NR6A1: variants seen among roughly 807,000 people sequenced by gnomAD.
The protein encoded by NR6A1 is nuclear receptor subfamily 6 group A member 1, also known as retinoic acid receptor-related testis-associated receptor.
NR6A1 carries 7 observed loss-of-function variants against 59.1 expected under a neutral mutation model. That is an observed-to-expected ratio of 0.12 (90% CI 0.07 to 0.22). The LOEUF (loss-of-function observed/expected upper bound fraction) is 0.22. Among genes scored for constraint, NR6A1 ranks in the 10% least tolerant of loss-of-function variants. The pLI, the probability that NR6A1 is intolerant of heterozygous loss-of-function variation, is 1.00. For missense variants in NR6A1, 468 were observed against 611.6 expected (o/e 0.77, Z 2.48); for synonymous variants, 243 against 236.1 (o/e 1.03, Z -0.27).
At chr9:124,656,019 A>G (rs1302800345) in intron 2 of NR6A1, among the ~76,000 whole-genome samples, 1 of 152,022 alleles carries the variant, frequency 6.6e-6, no homozygotes, top group Non-Finnish European at 1.5e-5. Flanking sequence ...GCCTGGTGGG[A>G]GGTGTCTGGG....
chr9:124,536,339 G>T (rs985261820), intron 6 of NR6A1, among the ~76,000 whole-genome samples: 1 of 152,116 alleles, frequency 6.6e-6, no homozygotes, highest in Non-Finnish European at 1.5e-5. Flanking sequence ...GGAGAGGCGG[G>T]TCTGGTGAGG....
chr9:124,712,367 GGGA>G (rs1244348399), intron 2 of NR6A1, among the ~76,000 whole-genome samples: 4 of 152,154 alleles, frequency 2.6e-5, no homozygotes, highest in Non-Finnish European at 5.9e-5. Flanking sequence ...CCAGCACTTT[GGGA>G]GGCCGAGGCA....
chr9:124,764,214 C>G (rs1374449373), intron 1 of NR6A1, among the ~76,000 whole-genome samples: 1 of 151,734 alleles, frequency 6.6e-6, no homozygotes, highest in African/African-American at 2.4e-5. Flanking sequence ...AAAAAACTAT[C>G]TGGTTAAGCT....
intron 1 of NR6A1, among the ~76,000 whole-genome samples, chr9:124,743,168 G>C (rs1840225011): frequency 6.6e-6 from 1 of 152,212 alleles, no homozygotes; most frequent in South Asian, 2.1e-4. Flanking sequence ...GCAGATACAG[G>C]AACACTTTTC....
At chr9:124,723,321 C>T (rs1839617001) in intron 2 of NR6A1, among the ~76,000 whole-genome samples, 1 of 152,114 alleles carries the variant, frequency 6.6e-6, no homozygotes, top group South Asian at 2.1e-4. Flanking sequence ...TGTTCAGTCT[C>T]CTAAGAGGTT....
chr9:124,553,549 C>CTTTTTTTTTCTTTTTT, intron 3 of NR6A1, among the ~76,000 whole-genome samples: 1 of 47,324 alleles, frequency 2.1e-5, no homozygotes, highest in Non-Finnish European at 4.0e-5. Context: ...TTTAGCTTGA[C>CTTTTTTTTTCTTTTTT]TTTTTTTTTT....
intron 2 of NR6A1, among the ~76,000 whole-genome samples, chr9:124,640,402 T>C (rs1836735954): frequency 1.3e-5 from 2 of 152,110 alleles, no homozygotes; most frequent in African/African-American, 4.8e-5. Flanking sequence ...TATTCTGTGT[T>C]ATTTTGGTTT....
At chr9:124,695,671 G>A (rs202068587) in intron 2 of NR6A1, among the ~76,000 whole-genome samples, 4 of 152,086 alleles carry the variant, frequency 2.6e-5, no homozygotes, top group South Asian at 2.1e-4. Flanking sequence ...CGCCCGGCCC[G>A]AGGGGGTCTT....
In NR6A1 at chr9:124,586,795, A is replaced by G. The variant is rs566999870; in HGVS notation, c.143-32225T>C. Among the ~76,000 whole-genome samples the G allele has an allele frequency of 2.0e-4, 30 of 152,306 alleles. No individual in the cohort carries two copies. The South Asian group carries it at 2.9e-3, about 15-fold the overall frequency. On this transcript the variant is annotated intron_variant, in intron 2 of 9. Transcript: ENST00000487099. ...GAGGAGTTGCTTCTTATGGAGGAGC[A>G]AAGAAAGAGGTTTCTTTGTAGATGG... is the stretch of plus-strand genomic sequence containing the variant.
intron 2 of NR6A1, among the ~76,000 whole-genome samples, chr9:124,692,208 C>T (rs1838572192): frequency 6.6e-6 from 1 of 152,202 alleles, no homozygotes; most frequent in African/African-American, 2.4e-5. Flanking sequence ...AGGTATTTTA[C>T]ATTTTTAGAA....
In NR6A1 at chr9:124,624,386, G is replaced by C. The variant is rs570221285; in HGVS notation, c.143-69816C>G. Among the ~76,000 whole-genome samples, 7 of 152,264 alleles carry C rather than the reference G, an allele frequency of 4.6e-5. No homozygotes were observed. The South Asian group carries it at 1.4e-3, about 32-fold the overall frequency. On this transcript the variant is annotated intron_variant, in intron 2 of 9. Coordinates refer to ENST00000487099, the MANE Select transcript of NR6A1 (RefSeq NM_033334.4). ...GAATGTTACCATCTGAACTTCTTCAGGTCAATTTTCGAATACTAAGCTGAA... is the reference window on the plus strand; with the variant it reads ...GAATGTTACCATCTGAACTTCTTCACGTCAATTTTCGAATACTAAGCTGAA...
chr9:124,580,930 G>A (rs4524900), intron 2 of NR6A1, among the ~76,000 whole-genome samples: 74,244 of 151,922 alleles, frequency 0.49, 18,325 homozygotes, highest in Admixed American at 0.6. Context: ...GTACTGGTAT[G>A]AGAACAGACA....
intron 4 of NR6A1, among the ~76,000 whole-genome samples, 181 bp downstream of exon 4, chr9:124,543,621 C>A (rs1833511041): frequency 6.6e-6 from 1 of 152,136 alleles, no homozygotes; most frequent in Non-Finnish European, 1.5e-5. Flanking sequence ...TAATCATTAA[C>A]TTACATATTT....
At chr9:124,582,813 A>T (rs1384595727) in intron 2 of NR6A1, among the ~76,000 whole-genome samples, 1 of 152,188 alleles carries the variant, frequency 6.6e-6, no homozygotes, top group Non-Finnish European at 1.5e-5. Flanking sequence ...GTTTGAGCAT[A>T]AGAGTTCAAG....
At chr9:124,601,501 G>T (rs1162387339) in intron 2 of NR6A1, among the ~76,000 whole-genome samples, 2 of 150,216 alleles carry the variant, frequency 1.3e-5, no homozygotes, top group Non-Finnish European at 3.0e-5. Flanking sequence ...GGAGAATGGC[G>T]TGAACCTGGG....
At chr9:124,649,746 T>C (rs780614162) in intron 2 of NR6A1, among the ~76,000 whole-genome samples, 65 of 151,888 alleles carry the variant, frequency 4.3e-4, no homozygotes, top group African/African-American at 1.4e-3. Context: ...CGGAACTCAA[T>C]AGCAAAAAGC....
chr9:124,569,790 C>T (rs1318024390), intron 2 of NR6A1, among the ~76,000 whole-genome samples: 1 of 152,214 alleles, frequency 6.6e-6, no homozygotes, highest in African/African-American at 2.4e-5. Flanking sequence ...CACTGTTCCT[C>T]TATTTACATA....
intron 2 of NR6A1, among the ~76,000 whole-genome samples, chr9:124,568,382 A>G (rs559361946): frequency 6.6e-6 from 1 of 151,616 alleles, no homozygotes; most frequent in Non-Finnish European, 1.5e-5. Flanking sequence ...GGTAGTTGGG[A>G]GGCTGAGGCA....
At chr9:124,730,016 T>G (rs1839837246) in intron 2 of NR6A1, among the ~76,000 whole-genome samples, 1 of 152,040 alleles carries the variant, frequency 6.6e-6, no homozygotes, top group Non-Finnish European at 1.5e-5. Context: ...TTTCTCAATA[T>G]TGGTCAGGCT....
Sources: gnomAD v4.1 joint callset for allele counts (sites outside exome capture counted in the v4.1 genomes callset) on GRCh38, gnomAD v4.1.1 for gene constraint, MANE v1.5 for transcripts, NCBI Gene and HGNC (gene_info 2026-07-23, HGNC 2026-07-21) for gene names.